Variants in EHMT2 observed in about 807,000 individuals in gnomAD.
The protein encoded by EHMT2 is histone-lysine N-methyltransferase EHMT2.
EHMT2 carries 59 observed loss-of-function variants against 143.3 expected under a neutral mutation model. The observed-to-expected ratio is 0.41, with a 90% CI of 0.33 to 0.51. The LOEUF is 0.51. EHMT2 is among the 20% of genes least tolerant of loss of function. The pLI, the probability that EHMT2 is intolerant of heterozygous loss-of-function variation, is 0.18. For missense variants in EHMT2, 1,174 were observed against 1,645.9 expected (o/e 0.71, Z 4.96); for synonymous variants, 604 against 651.5 (o/e 0.93, Z 1.11).
chr6:31,896,364 C>T (rs1325805165), exon 4 of EHMT2: 3 of 1,612,920 alleles, frequency 1.9e-6, no homozygotes, highest in Non-Finnish European at 2.5e-6. Flanking sequence ...CCTGCTGCTG[C>T]AGCTCCCTGG....
In EHMT2 at chr6:31,884,515, T is replaced by C. The variant is rs1440361932; in HGVS notation, c.2648A>G (p.Glu883Gly). The C allele has an allele frequency of 2.5e-6, 4 of 1,612,894 alleles. No homozygotes were observed. Among genetic ancestry groups the C allele is most frequent in the South Asian group, 1.1e-5 (1 of 91,084 alleles). ...AGTCAGGTCCCATGCTGTGTCCCCC[T>C]CTTTGTTCCGCAGCTCAGGGTTGGC... The change falls in exon 21 of 28, where the codon GAG (glutamate) becomes GGG (glycine). Residue 883 changes from glutamate to glycine, a missense_variant. Transcript: ENST00000375537. This position sits in a 1 kb window ranked among gnomAD's most constrained non-coding sequence, Gnocchi z 7.3.
At position 31,888,659 on chromosome 6, in the gene EHMT2, A is replaced by C. The variant is rs1463626416; in HGVS notation, c.1305T>G (p.Ile435Met). 1 of 1,613,756 alleles carries C rather than the reference A, an allele frequency of 6.2e-7. No homozygotes were observed. The highest frequency in any genetic ancestry group is 8.5e-7 in the Non-Finnish European group (1 of 1,180,008). Residue 435 changes from isoleucine to methionine, a missense_variant, in exon 11 of 28, where the codon ATT (isoleucine) becomes ATG (methionine). Physicochemically the swap from Ile to Met is conservative, Grantham distance 10. Coordinates refer to ENST00000375537, the Ensembl canonical transcript of EHMT2. The surrounding 1 kb of genome is among the most constrained non-coding windows in gnomAD (Gnocchi z 7.4). ...GCCCCGCCCTCTCGCTGATGCGGTCAATCTTGGGTGCCTCCATGCGGCAGC... is the reference window on the plus strand; with the variant it reads ...GCCCCGCCCTCTCGCTGATGCGGTCCATCTTGGGTGCCTCCATGCGGCAGC...
chr6:31,897,286 C>T, intron 1 of EHMT2: 2 of 774,572 alleles, frequency 2.6e-6, no homozygotes, highest in Non-Finnish European at 3.5e-6. Context: ...GCACGCGCCG[C>T]TCCCCCTTTG....
intron 1 of EHMT2, 156 bp from the exon 2 acceptor site, chr6:31,897,145 C>G: frequency 6.6e-6 from 9 of 1,365,082 alleles, no homozygotes; most frequent in Non-Finnish European, 8.5e-6. Context: ...CCCGGAGGGG[C>G]CGCACGACCC....
At chr6:31,890,891 A>AACAC (rs1326468237) in intron 7 of EHMT2, among the ~76,000 whole-genome samples, 3 of 150,594 alleles carry the variant, frequency 2.0e-5, no homozygotes, top group Non-Finnish European at 4.4e-5. Flanking sequence ...CAAACAAACA[A>AACAC]ACACAAAGAA....
At position 31,883,047 on chromosome 6, in the gene EHMT2, G is replaced by C. The variant is rs772801707; in HGVS notation, c.2995-38C>G. 2 of 1,582,714 alleles carry C rather than the reference G, an allele frequency of 1.3e-6. No homozygotes were observed. Among genetic ancestry groups the C allele is most frequent in the African/African-American group, 2.7e-5 (2 of 74,294 alleles). On this transcript the variant is annotated intron_variant, in intron 23 of 27. Transcript: ENST00000375537. This position sits in a 1 kb window ranked among gnomAD's most constrained non-coding sequence, Gnocchi z 5.6. ...GGGGAGGATAGTGGTTTCTCTGTGGGGCCCACCTCAGCTGCCCACCCAGGA... is the reference window on the plus strand; with the variant it reads ...GGGGAGGATAGTGGTTTCTCTGTGGCGCCCACCTCAGCTGCCCACCCAGGA...
Position 31,884,026 on chromosome 6 carries a change from T to G in EHMT2, c.2772-76A>C. ...GCTACTCCAGGTATAAGGAAGAGAG[T>G]TGGGGAGGTTCCTGGGGCTGGGGGC... On this transcript the variant is annotated intron_variant, in intron 21 of 27. Coordinates refer to ENST00000375537, the Ensembl canonical transcript of EHMT2. The surrounding 1 kb of genome is among the most constrained non-coding windows in gnomAD (Gnocchi z 7.3). 2 of 1,535,798 alleles carry G rather than the reference T, an allele frequency of 1.3e-6. No individual in the cohort carries two copies. The highest frequency in any genetic ancestry group is 2.4e-5 in the South Asian group (2 of 84,610).
intron 1 of EHMT2, chr6:31,897,209 G>C (rs969675763): frequency 4.8e-6 from 6 of 1,251,168 alleles, no homozygotes; most frequent in Non-Finnish European, 6.1e-6. Flanking sequence ...GCATCTCTGG[G>C]GCCGAGAGAA....
rs974349998 is a variant in EHMT2 at position 31,888,802 on chromosome 6, C to G, written c.1217-55G>C. On this transcript the variant is annotated intron_variant, in intron 10 of 27. Coordinates refer to ENST00000375537, the Ensembl canonical transcript of EHMT2. The surrounding 1 kb of genome is among the most constrained non-coding windows in gnomAD (Gnocchi z 7.4). Reference sequence around the variant, plus strand: ...AGGCTCTGCACCTCACCTACTGGGACCCCTGGCGGGTCCTCTCACTCCCTC... The same window carrying G: ...AGGCTCTGCACCTCACCTACTGGGAGCCCTGGCGGGTCCTCTCACTCCCTC... 1 of 1,595,420 alleles carries G rather than the reference C, an allele frequency of 6.3e-7. No individual in the cohort carries two copies. Among genetic ancestry groups the G allele is most frequent in the African/African-American group, 1.3e-5 (1 of 74,800 alleles).
At chr6:31,887,849 C>T in exon 14 of EHMT2, 1 of 1,611,132 alleles carries the variant, frequency 6.2e-7, no homozygotes, top group Non-Finnish European at 8.5e-7. Flanking sequence ...AGCCCCACGG[C>T]TGAAAGGCAG....
Position 31,884,745 on chromosome 6 carries a change from C to G in EHMT2, c.2503G>C (p.Glu835Gln), listed in dbSNP as rs768382453. 1.3e-5 allele frequency: 21 copies of G among 1,601,016 alleles called. No homozygotes were observed. The highest frequency in any genetic ancestry group is 2.7e-5 in the African/African-American group (2 of 74,478). The change falls in exon 20 of 28, where the codon GAA becomes CAA. Residue 835 changes from glutamate to glutamine, a missense_variant. Glu to Gln is a conservative substitution (Grantham distance 29). Coordinates refer to ENST00000375537, the Ensembl canonical transcript of EHMT2. This position sits in a 1 kb window ranked among gnomAD's most constrained non-coding sequence, Gnocchi z 7.3. ...TCACAGCGCGCATTCAGAAGGACTTCGGCGATGGCGGCGCTGCCCGTGAAG... is the reference window on the plus strand; with the variant it reads ...TCACAGCGCGCATTCAGAAGGACTTGGGCGATGGCGGCGCTGCCCGTGAAG...
At chr6:31,897,095 T>TCTTCCTCTGTGGGGCCCCCCC in intron 1 of EHMT2, 106 bp from the exon 2 acceptor site, 1 of 1,458,644 alleles carries the variant, frequency 6.9e-7, no homozygotes, top group Non-Finnish European at 9.0e-7. Flanking sequence ...GGGGCCTACC[T>TCTTCCTCTGTGGGGCCCCCCC]CTTCCTCTGT....
Position 31,889,378 on chromosome 6 carries a change from A to G in EHMT2, c.1000-36T>C, listed in dbSNP as rs932740151. 9 of 1,607,928 alleles carry G rather than the reference A, an allele frequency of 5.6e-6. No individual in the cohort carries two copies. In the African/African-American group the frequency reaches 1.2e-4, roughly 22 times the overall value. On this transcript the variant is annotated intron_variant, in intron 8 of 27. Transcript: ENST00000375537. This position sits in a 1 kb window ranked among gnomAD's most constrained non-coding sequence, Gnocchi z 5.1. Reference sequence around the variant, plus strand: ...GGAGGAGGAGGAGTTAGGAACCCTCACCCCCAGGGGCCCCCCCAACACCTT... The same window carrying G: ...GGAGGAGGAGGAGTTAGGAACCCTCGCCCCCAGGGGCCCCCCCAACACCTT...
rs1764059914 is a variant in EHMT2 at position 31,881,199 on chromosome 6, T to G, written c.3198-107A>C. ...CTGTGGAATCTGGAATGGGCAGGGC[T>G]GGCAGGTGTGGGGAAGGGAAGGCCT... On this transcript the variant is annotated intron_variant, in intron 25 of 27. Coordinates refer to ENST00000375537, the Ensembl canonical transcript of EHMT2. This position sits in a 1 kb window ranked among gnomAD's most constrained non-coding sequence, Gnocchi z 4.8. The G allele has an allele frequency of 1.0e-5, 10 of 989,458 alleles. No individual in the cohort carries two copies. Among genetic ancestry groups the G allele is most frequent in the African/African-American group, 1.6e-5 (1 of 63,016 alleles). 61.3% of individuals were successfully genotyped at this position (989,458 alleles called of 1,614,324 possible).
chr6:31,888,267 G>A lies in EHMT2; in HGVS notation c.1519C>T (p.Leu507=), dbSNP rs1341251429. The change falls in exon 13 of 28, where the codon CTG becomes TTG. Residue 507 remains leucine (L), a synonymous_variant. Coordinates refer to ENST00000375537, the Ensembl canonical transcript of EHMT2. The surrounding 1 kb of genome is among the most constrained non-coding windows in gnomAD (Gnocchi z 7.4). The stretch of plus-strand genomic sequence containing the variant: ...ACACGGAAGTCAGGGTGGCACTCCA[G>A]GAAGGTGCCCTGGGAGCAGGGAAAC... 1 of 1,612,886 alleles carries A rather than the reference G, an allele frequency of 6.2e-7. No individual in the cohort carries two copies. Among genetic ancestry groups the A allele is most frequent in the Admixed American group, 1.7e-5 (1 of 60,010 alleles).
chr6:31,891,258 T>C (rs1765646402), intron 7 of EHMT2, among the ~76,000 whole-genome samples: 1 of 152,158 alleles, frequency 6.6e-6, no homozygotes, highest in Non-Finnish European at 1.5e-5. Context: ...CTAAGACAAA[T>C]GTTAATCAAA....
chr6:31,883,576 G>C lies in EHMT2; in HGVS notation c.2917-137C>G, dbSNP rs1764402337. 2 of 1,028,232 alleles carry C rather than the reference G, an allele frequency of 1.9e-6. No homozygotes were observed. The highest frequency in any genetic ancestry group is 2.9e-6 in the Non-Finnish European group (2 of 683,198). The allele number at this position is 1,028,232 out of a possible 1,614,324, so 63.7% of individuals were successfully genotyped here. A position where few individuals can be genotyped will look rare whatever the true frequency, so the allele number is the denominator to read the frequency against. On this transcript the variant is annotated intron_variant, in intron 22 of 27. Transcript: ENST00000375537. The surrounding 1 kb of genome is among the most constrained non-coding windows in gnomAD (Gnocchi z 5.6). ...CAACAGTGGGTGGTGATGGTCCTAG[G>C]GTGACGGGTAATCAGTATGGTGGTG... is the stretch of plus-strand genomic sequence containing the variant.
intron 1 of EHMT2, chr6:31,897,240 G>T: frequency 8.5e-7 from 1 of 1,173,362 alleles, no homozygotes; most frequent in Non-Finnish European, 1.1e-6. Context: ...AGGGGGCGGG[G>T]CCTCCGCGCC....
chr6:31,897,648 C>A (rs1035341160), exon 1 of EHMT2: 12 of 1,164,694 alleles, frequency 1.0e-5, no homozygotes, highest in African/African-American at 1.6e-5. Flanking sequence ...CGGCGGCCGC[C>A]GCCGCTGCAG....
Sources: allele counts gnomAD v4.1 joint callset (sites outside exome capture counted in the v4.1 genomes callset), GRCh38; gene constraint gnomAD v4.1.1; non-coding constraint Gnocchi (gnomAD v3.1); transcripts MANE v1.5; gene names NCBI Gene and HGNC (gene_info 2026-07-23, HGNC 2026-07-21).